The following PRDM10 variants were observed in gnomAD, a reference collection of about 807,000 sequenced individuals.
PRDM10 encodes PR/SET domain 10, also known as PR domain zinc finger protein 10.
A neutral mutation model predicts 133.1 loss-of-function variants in PRDM10; 65 were observed. The observed-to-expected ratio is 0.49, with a 90% confidence interval of 0.40 to 0.60. PRDM10 has a LOEUF of 0.60. PRDM10 is among the 20% of genes least tolerant of loss of function. The pLI is 0.00. For synonymous variants in PRDM10, 582 were observed against 580.4 expected (o/e 1.00, Z -0.04); for missense variants, 1,137 against 1,507.1 (o/e 0.75, Z 4.07).
At chr11:129,948,752 TC>T (rs1422915936) in intron 4 of PRDM10, among the ~76,000 whole-genome samples, 1 of 152,176 alleles carries the variant, frequency 6.6e-6, no homozygotes, top group African/African-American at 2.4e-5. Flanking sequence ...ATGACCAAAC[TC>T]CCAGCTCCCT....
intron 1 of PRDM10, among the ~76,000 whole-genome samples, chr11:129,969,570 G>T (rs1951973516): frequency 6.6e-6 from 1 of 151,326 alleles, no homozygotes; most frequent in Non-Finnish European, 1.5e-5. Flanking sequence ...AAGGTGGGCG[G>T]ATCACTTGAG....
In PRDM10 at chr11:129,931,094, CTGCAGG is replaced by C. The variant is rs774378570; in HGVS notation, c.1446_1451del (p.His482_Leu483del). 3.3e-5 allele frequency: 54 copies of C among 1,614,086 alleles called. No homozygotes were observed. Among genetic ancestry groups the C allele is most frequent in the Non-Finnish European group, 4.3e-5 (51 of 1,180,040 alleles). ...GCACCACGCTCTCTTCATGCTGCGGCTGCAGGTGCAGGGTGTGAGTTTCTGGTTCAT... is the reference window on the plus strand; with the variant it reads ...GCACCACGCTCTCTTCATGCTGCGGCTGCAGGGTGTGAGTTTCTGGTTCAT... On this transcript the variant is annotated inframe_deletion, in exon 11 of 21. Transcript: ENST00000360871.
In PRDM10 at chr11:129,918,759, G is replaced by A; in HGVS notation, c.2035-41C>T. 6.5e-7 allele frequency: 1 copy of A among 1,535,758 alleles called. No individual in the cohort carries two copies. Among genetic ancestry groups the A allele is most frequent in the Non-Finnish European group, 8.8e-7 (1 of 1,130,428 alleles). Reference sequence around the variant, plus strand: ...TTTTGAAAACGGGGTAGACACGGGGGTAGAAAATTTTTAACTGAAGGGATC... The same window carrying A: ...TTTTGAAAACGGGGTAGACACGGGGATAGAAAATTTTTAACTGAAGGGATC... On this transcript the variant is annotated intron_variant, in intron 13 of 20. Transcript: ENST00000360871. This position sits in a 1 kb window ranked among gnomAD's most constrained non-coding sequence, Gnocchi z 5.3.
rs1483265537 is a variant in PRDM10 at position 129,958,713 on chromosome 11, T to C, written c.70-803A>G. ...GTTGTTTCATACACAAAGGACATACTGGAGGCATATCAGTAAATGCTTGCT... is the reference window on the plus strand; with the variant it reads ...GTTGTTTCATACACAAAGGACATACCGGAGGCATATCAGTAAATGCTTGCT... On this transcript the variant is annotated intron_variant, in intron 2 of 20. Transcript: ENST00000360871. Among the ~76,000 whole-genome samples, 5 of 152,230 alleles carry C rather than the reference T, an allele frequency of 3.3e-5. No individual in the cohort carries two copies. In the South Asian group the frequency reaches 6.2e-4, roughly 19 times the overall value.
chr11:129,954,108 T>C (rs1383895301), intron 4 of PRDM10, among the ~76,000 whole-genome samples: 2 of 150,860 alleles, frequency 1.3e-5, no homozygotes, highest in African/African-American at 2.4e-5. Flanking sequence ...CCCCAACTTA[T>C]ACAAAAAAGG....
At chr11:129,988,224 A>G (rs372460367) in intron 1 of PRDM10, among the ~76,000 whole-genome samples, 4 of 152,246 alleles carry the variant, frequency 2.6e-5, no homozygotes, top group Non-Finnish European at 5.9e-5. Flanking sequence ...AGAAAAATTA[A>G]TGGTGACAGC....
intron 19 of PRDM10, 46 bp downstream of exon 19, chr11:129,910,430 A>G: frequency 6.2e-7 from 1 of 1,608,290 alleles, no homozygotes; most frequent in East Asian, 2.2e-5. Flanking sequence ...ACATGGCTGG[A>G]GATCCCCCAC....
At chr11:129,961,724 T>G (rs1449114133) in intron 1 of PRDM10, among the ~76,000 whole-genome samples, 1 of 152,054 alleles carries the variant, frequency 6.6e-6, no homozygotes, top group Non-Finnish European at 1.5e-5. Context: ...TTTAAAAAAA[T>G]AATAATATAA....
At position 129,910,575 on chromosome 11, in the gene PRDM10, T is replaced by G. The variant is rs778777997; in HGVS notation, c.3064A>C (p.Thr1022Pro). 20 of 1,613,892 alleles carry G rather than the reference T, an allele frequency of 1.2e-5. No individual in the cohort carries two copies. The highest frequency in any genetic ancestry group is 1.7e-5 in the Non-Finnish European group (20 of 1,179,982). ...SPSHIQGSSSTQGQALQQQQQ... is the reference protein window; with the variant it reads ...SPSHIQGSSSPQGQALQQQQQ... ...TGCTGCTGCAGAGCCTGCCCCTGTG[T>G]GGAAGAACTGCCCTGGATGTGGGAG... is the stretch of plus-strand genomic sequence containing the variant. Residue 1022 changes from threonine to proline, a missense_variant, in exon 19 of 21, where the codon ACA (threonine) becomes CCA (proline). Transcript: ENST00000360871.
chr11:129,983,166 C>T (rs559448321), intron 1 of PRDM10, among the ~76,000 whole-genome samples: 1 of 151,542 alleles, frequency 6.6e-6, no homozygotes, highest in African/African-American at 2.4e-5. Flanking sequence ...TTAGTAGGGA[C>T]AAGTTTTCGC....
intron 1 of PRDM10, among the ~76,000 whole-genome samples, chr11:129,977,922 C>T (rs1344446392): frequency 6.6e-6 from 1 of 151,618 alleles, no homozygotes; most frequent in African/African-American, 2.4e-5. Flanking sequence ...GATCGCACCA[C>T]TGCACTCCAG....
At chr11:129,943,950 C>A (rs1951303430) in intron 6 of PRDM10, among the ~76,000 whole-genome samples, 1 of 152,014 alleles carries the variant, frequency 6.6e-6, no homozygotes. Context: ...TGAGATTGCA[C>A]CACTGCACTT....
At chr11:129,912,690 T>G (rs1186413619) in intron 17 of PRDM10, among the ~76,000 whole-genome samples, 1 of 148,844 alleles carries the variant, frequency 6.7e-6, no homozygotes, top group South Asian at 2.1e-4. Context: ...AGGCGGAGCT[T>G]GCAGTGAGCT....
chr11:129,900,513 G>A lies in PRDM10; in HGVS notation c.*1800C>T, dbSNP rs944532082. The A allele has an allele frequency of 6.6e-6, 1 of 152,576 alleles. No individual in the cohort carries two copies. Among genetic ancestry groups the A allele is most frequent in the African/African-American group, 2.4e-5 (1 of 41,438 alleles). 9.5% of individuals were successfully genotyped at this position (152,576 alleles called of 1,614,324 possible). A position where few individuals can be genotyped will look rare whatever the true frequency, so the allele number is the denominator to read the frequency against. ...GTTTTCCAATAAGTTATTCCTGAAG[G>A]GAGGGGAGATACCTTATGGTTCAAA... On this transcript the variant is annotated 3_prime_UTR_variant, in exon 21 of 21. Transcript: ENST00000360871.
intron 6 of PRDM10, 61 bp downstream of exon 6, chr11:129,944,710 C>A (rs1591643292): frequency 1.3e-6 from 2 of 1,585,968 alleles, no homozygotes; most frequent in East Asian, 2.2e-5. Context: ...GAGTAGACAA[C>A]GCAGTGCTCC....
At chr11:129,913,406 T>A (rs1323497621) in intron 17 of PRDM10, among the ~76,000 whole-genome samples, 1 of 152,090 alleles carries the variant, frequency 6.6e-6, no homozygotes, top group South Asian at 2.1e-4. Flanking sequence ...ACTATTAGAT[T>A]CTGGAAGAGA....
chr11:130,002,536 C>CCCA (rs1408624110), intron 1 of PRDM10, among the ~76,000 whole-genome samples, 186 bp downstream of exon 1: 13 of 152,060 alleles, frequency 8.5e-5, no homozygotes, highest in African/African-American at 2.4e-4. Flanking sequence ...ATTTCTCCCC[C>CCCA]CCACCACCAC....
Position 129,937,670 on chromosome 11 carries a change from C to T in PRDM10, c.967G>A (p.Val323Met). The T allele has an allele frequency of 4.3e-6, 7 of 1,612,234 alleles. No individual in the cohort carries two copies. Among genetic ancestry groups the T allele is most frequent in the Non-Finnish European group, 5.9e-6 (7 of 1,179,558 alleles). ...TCAGCATAGGATGCGGCATACCACA[C>T]CTGCAAGAAGCAAGTATATCATCAA... ...KNVEPKQELK[V>M]WYAASYAEFV... is the part of the protein sequence containing the mutation. Residue 323 changes from valine to methionine, a missense_variant and splice_region_variant, in exon 8 of 21, where the codon GTG becomes ATG. Coordinates refer to ENST00000360871, the MANE Select transcript of PRDM10 (RefSeq NM_199437.2).
intron 1 of PRDM10, among the ~76,000 whole-genome samples, chr11:129,993,288 T>A (rs1341807512): frequency 2.6e-5 from 4 of 152,222 alleles, no homozygotes; most frequent in Admixed American, 2.6e-4. Context: ...GCCTGTAGCA[T>A]CTTGTTTAAG....
Sources: gnomAD v4.1 joint callset for allele counts (sites outside exome capture counted in the v4.1 genomes callset) on GRCh38, gnomAD v4.1.1 for gene constraint, Gnocchi (gnomAD v3.1) non-coding constraint, MANE v1.5 for transcripts, NCBI Gene and HGNC (gene_info 2026-07-23, HGNC 2026-07-21) for gene names.